Variants in ZFAND3 observed in about 807,000 individuals in gnomAD.
The protein encoded by ZFAND3 is AN1-type zinc finger protein 3.
In ZFAND3, 10 loss-of-function variants were observed where a neutral mutation model predicts 29.6. That is an observed-to-expected ratio of 0.34 (90% confidence interval 0.21 to 0.57). The LOEUF (loss-of-function observed/expected upper bound fraction) is 0.57, where lower values mean the gene tolerates loss of function less well. ZFAND3 is among the 20% of genes least tolerant of loss of function. The pLI is 0.86. For synonymous variants in ZFAND3, 128 were observed against 112.6 expected, an observed-to-expected ratio of 1.14 and a Z score of -0.87; for missense variants, 230 against 304.5, an observed-to-expected ratio of 0.76 and a Z score of 1.82.
intron 1 of ZFAND3, 107 bp from the exon 2 acceptor site, chr6:37,929,852 G>A (rs1368170970): frequency 2.9e-6 from 3 of 1,044,806 alleles, no homozygotes; most frequent in Non-Finnish European, 4.0e-6. Flanking sequence ...TAGTTCAGTT[G>A]CCTGACCAGA....
At chr6:37,865,124 G>A (rs1465197724) in intron 1 of ZFAND3, among the ~76,000 whole-genome samples, 1 of 152,142 alleles carries the variant, frequency 6.6e-6, no homozygotes, top group Non-Finnish European at 1.5e-5. Context: ...GTTTCAGTGC[G>A]CCGATAGCGT....
intron 2 of ZFAND3, among the ~76,000 whole-genome samples, chr6:38,031,695 G>A (rs903925456): frequency 7.9e-5 from 12 of 152,146 alleles, no homozygotes; most frequent in African/African-American, 2.2e-4. Flanking sequence ...AATTATAACC[G>A]CCTTAAAGTT....
intron 5 of ZFAND3, among the ~76,000 whole-genome samples, chr6:38,117,693 G>T (rs1485200705): frequency 6.6e-6 from 1 of 152,210 alleles, no homozygotes; most frequent in East Asian, 1.9e-4. Flanking sequence ...AGCTTTAGAA[G>T]CCCCCTTTCA....
intron 3 of ZFAND3, among the ~76,000 whole-genome samples, chr6:38,072,479 T>G (rs2127467507): frequency 6.6e-6 from 1 of 152,336 alleles, no homozygotes; most frequent in South Asian, 2.1e-4. Context: ...TTAAATTAAA[T>G]GCTCTGTCCT....
intron 4 of ZFAND3, among the ~76,000 whole-genome samples, chr6:38,086,777 G>A (rs868070760): frequency 2.6e-5 from 4 of 151,932 alleles, no homozygotes; most frequent in Non-Finnish European, 5.9e-5. Context: ...TTTAAAGTGG[G>A]CACAGATTCA....
At chr6:38,067,818 T>A (rs571638031) in intron 3 of ZFAND3, among the ~76,000 whole-genome samples, 1 of 152,226 alleles carries the variant, frequency 6.6e-6, no homozygotes, top group African/African-American at 2.4e-5. Flanking sequence ...TCTGTTGTTA[T>A]GCTTTTAAAG....
At chr6:38,080,259 A>G (rs748843579) in intron 3 of ZFAND3, among the ~76,000 whole-genome samples, 2 of 151,844 alleles carry the variant, frequency 1.3e-5, no homozygotes, top group African/African-American at 2.4e-5. Flanking sequence ...TACCTATGTA[A>G]CAAACCTGCA....
chr6:38,144,227 A>T (rs1374616786), intron 5 of ZFAND3, among the ~76,000 whole-genome samples: 1,337 of 80,022 alleles, frequency 0.017, 64 homozygotes, highest in East Asian at 0.064. Context: ...TAATATATAT[A>T]TATATTTTTT....
At position 38,153,353 on chromosome 6, in the gene ZFAND3, C is replaced by CGCGGGCAGA. The variant is rs1766275200; in HGVS notation, c.*964_*965insGCGGGCAGA. 1 of 985,502 alleles carries CGCGGGCAGA rather than the reference C, an allele frequency of 1.0e-6. No homozygotes were observed. The highest frequency in any genetic ancestry group is 1.2e-6 in the Non-Finnish European group (1 of 829,960). 61.0% of individuals were successfully genotyped at this position (985,502 alleles called of 1,614,324 possible). ...GGGAAGCTGCCGCCCACGGGCTCTGCCCCTTCCAGCTGGAGCCGCCCGTGC... is the reference window on the plus strand; with the variant it reads ...GGGAAGCTGCCGCCCACGGGCTCTGCGCGGGCAGACCCTTCCAGCTGGAGCCGCCCGTGC... On this transcript the variant is annotated 3_prime_UTR_variant, in exon 6 of 6. Transcript: ENST00000287218.
chr6:37,989,233 G>A (rs1762719993), intron 2 of ZFAND3, among the ~76,000 whole-genome samples: 1 of 152,182 alleles, frequency 6.6e-6, no homozygotes, highest in African/African-American at 2.4e-5. Context: ...GGTATACCAG[G>A]TACTATCCTA....
chr6:37,823,158 A>G (rs779345135), intron 1 of ZFAND3, among the ~76,000 whole-genome samples: 19 of 152,148 alleles, frequency 1.2e-4, no homozygotes, highest in Non-Finnish European at 2.1e-4. Flanking sequence ...GTTTCCGTGG[A>G]ACGTTGCCAA....
At chr6:37,920,864 T>A (rs1761364285) in intron 1 of ZFAND3, among the ~76,000 whole-genome samples, 1 of 152,162 alleles carries the variant, frequency 6.6e-6, no homozygotes, top group South Asian at 2.1e-4. Flanking sequence ...GTCTTTTTCG[T>A]GTTTGCCTAG....
intron 1 of ZFAND3, among the ~76,000 whole-genome samples, chr6:37,890,564 A>C (rs1313528845): frequency 6.6e-6 from 1 of 151,964 alleles, no homozygotes; most frequent in South Asian, 2.1e-4. Flanking sequence ...TTAATACTCT[A>C]AACAATTTCA....
chr6:37,987,941 G>A (rs563888668), intron 2 of ZFAND3, among the ~76,000 whole-genome samples: 43 of 152,146 alleles, frequency 2.8e-4, no homozygotes, highest in East Asian at 1.2e-3. Flanking sequence ...AGTATTTTCC[G>A]GGAATAAATT....
intron 2 of ZFAND3, among the ~76,000 whole-genome samples, chr6:38,048,935 C>A (rs1478607923): frequency 2.0e-5 from 3 of 152,074 alleles, no homozygotes; most frequent in Non-Finnish European, 2.9e-5. Context: ...ATAATAAGTT[C>A]ATTTGTCTCT....
rs115467642 is a variant in ZFAND3 at position 37,891,461 on chromosome 6, G to A, written c.72-38498G>A. ...ATACAAAAATTAGCCGGGTGTGGCA[G>A]TGCATGCCATGCCTGTAATCCTAGC... On this transcript the variant is annotated intron_variant, in intron 1 of 5. Coordinates refer to ENST00000287218, the MANE Select transcript of ZFAND3 (RefSeq NM_021943.3). Among the ~76,000 whole-genome samples, 652 of 146,326 alleles carry A rather than the reference G, an allele frequency of 4.5e-3. 8 individuals are homozygous for A. Among genetic ancestry groups the A allele is most frequent in the African/African-American group, 0.014 (533 of 38,256 alleles).
At chr6:38,122,045 A>C (rs555451171) in intron 5 of ZFAND3, among the ~76,000 whole-genome samples, 1 of 152,198 alleles carries the variant, frequency 6.6e-6, no homozygotes, top group Non-Finnish European at 1.5e-5. Context: ...TCTATAAGTG[A>C]AGCCACCTCC....
chr6:37,931,493 G>T (rs1358099182), intron 2 of ZFAND3, among the ~76,000 whole-genome samples: 2 of 149,958 alleles, frequency 1.3e-5, no homozygotes, highest in Non-Finnish European at 3.0e-5. Flanking sequence ...GCAGTGAGCT[G>T]AGATTGCGCC....
chr6:37,865,540 A>G (rs1325384249), intron 1 of ZFAND3, among the ~76,000 whole-genome samples: 1 of 152,236 alleles, frequency 6.6e-6, no homozygotes, highest in Non-Finnish European at 1.5e-5. Flanking sequence ...CTGTCATTGT[A>G]CTTAAGCCTT....
Sources: allele counts gnomAD v4.1 joint callset (sites outside exome capture counted in the v4.1 genomes callset), GRCh38; gene constraint gnomAD v4.1.1; transcripts MANE v1.5; gene names NCBI Gene and HGNC (gene_info 2026-07-23, HGNC 2026-07-21).